Variants in PDE1C observed in about 807,000 individuals in gnomAD.
PDE1C encodes the protein dual specificity calcium/calmodulin-dependent 3',5'-cyclic nucleotide phosphodiesterase 1C.
In PDE1C, 62 loss-of-function variants were observed where a neutral mutation model predicts 93.1. That is an observed-to-expected ratio of 0.67 (90% CI 0.54 to 0.82). PDE1C has a LOEUF of 0.82. Ranked by LOEUF, PDE1C falls within the 40% of genes least tolerant of loss-of-function variation. The pLI, the probability that PDE1C is intolerant of heterozygous loss-of-function variation, is 0.00. For synonymous variants in PDE1C, 325 were observed against 310.1 expected (o/e 1.05, Z -0.50); for missense variants, 742 against 884.6 (o/e 0.84, Z 2.04).
chr7:31,999,509 T>C (rs887715097), intron 2 of PDE1C, among the ~76,000 whole-genome samples: 10 of 152,162 alleles, frequency 6.6e-5, no homozygotes, highest in African/African-American at 2.2e-4. Flanking sequence ...ACCAGGAATC[T>C]GCAAGACCCA....
intron 9 of PDE1C, among the ~76,000 whole-genome samples, chr7:31,846,728 CT>C (rs1242904894): frequency 6.6e-6 from 1 of 152,004 alleles, no homozygotes; most frequent in Non-Finnish European, 1.5e-5. Flanking sequence ...GTAATCAAAC[CT>C]TTTATTATAA....
Position 32,157,065 on chromosome 7 carries a change from A to G in PDE1C, c.308+12720T>C, listed in dbSNP as rs114979599. 5.8e-3 allele frequency among the ~76,000 whole-genome samples: 887 copies of G among 152,330 alleles called. 5 individuals carry two copies. The highest frequency in any genetic ancestry group is 0.02 in the African/African-American group (840 of 41,588). The stretch of plus-strand genomic sequence containing the variant: ...TGACCTGAGGACTCTAGAGGCAACG[A>G]TCAGAAAAACCAAATTGAGGAACAT... On this transcript the variant is annotated intron_variant, in intron 3 of 18. Transcript: ENST00000396193.
chr7:32,059,688 A>AT (rs940161618), intron 1 of PDE1C, among the ~76,000 whole-genome samples: 54 of 150,468 alleles, frequency 3.6e-4, no homozygotes, highest in South Asian at 8.4e-4. Context: ...GGAAGGCAAG[A>AT]TTTTTTTTTT....
intron 1 of PDE1C, among the ~76,000 whole-genome samples, chr7:32,383,785 A>G (rs1156763433): frequency 6.6e-6 from 1 of 152,178 alleles, no homozygotes; most frequent in African/African-American, 2.4e-5. Context: ...GACACTGGAA[A>G]GGGTCCAAGC....
chr7:32,182,962 CA>C (rs1198190105), intron 2 of PDE1C, among the ~76,000 whole-genome samples: 22 of 152,156 alleles, frequency 1.4e-4, no homozygotes, highest in African/African-American at 5.3e-4. Context: ...TATCAGGATA[CA>C]AAATCAATGT....
At chr7:32,098,649 T>C (rs1584759189) in intron 3 of PDE1C, among the ~76,000 whole-genome samples, 1 of 152,260 alleles carries the variant, frequency 6.6e-6, no homozygotes, top group East Asian at 1.9e-4. Flanking sequence ...ACGTTGGAGA[T>C]ATTTAGCTGA....
the PDE1C span, among the ~76,000 whole-genome samples, chr7:31,667,110 T>C: frequency 6.6e-6 from 1 of 151,542 alleles, no homozygotes; most frequent in Non-Finnish European, 1.5e-5. Context: ...GTTACAGGAG[T>C]AAGCTGAGGT....
intron 1 of PDE1C, among the ~76,000 whole-genome samples, chr7:32,335,569 C>T (rs1334584077): frequency 6.6e-6 from 1 of 152,120 alleles, no homozygotes; most frequent in Non-Finnish European, 1.5e-5. Flanking sequence ...TTGTCGATGG[C>T]CATCTTCTCC....
At chr7:31,880,573 TA>T (rs1797118829) in intron 3 of PDE1C, among the ~76,000 whole-genome samples, 173 bp downstream of exon 3, 1 of 152,174 alleles carries the variant, frequency 6.6e-6, no homozygotes, top group South Asian at 2.1e-4. Flanking sequence ...GATGAGGCGG[TA>T]CAGAGAGTAA....
chr7:32,298,832 C>T (rs1037149621), exon 1 of PDE1C: 6 of 1,436,856 alleles, frequency 4.2e-6, no homozygotes, highest in Non-Finnish European at 5.4e-6. Flanking sequence ...GCGGCGAATC[C>T]TCCCCCGGCC....
intron 2 of PDE1C, among the ~76,000 whole-genome samples, chr7:31,931,313 T>C (rs1457111404): frequency 2.0e-5 from 3 of 152,176 alleles, no homozygotes; most frequent in Non-Finnish European, 4.4e-5. Flanking sequence ...TGTTTGCAGA[T>C]GACATGATTG....
chr7:31,990,446 AATTACCCAGTTTTGGGT>A (rs1784020202), intron 2 of PDE1C, among the ~76,000 whole-genome samples: 1 of 152,146 alleles, frequency 6.6e-6, no homozygotes, highest in African/African-American at 2.4e-5. Flanking sequence ...TTTCTTTATA[AATTACCCAGTTTTGGGT>A]ATGTCTTTAT....
intron 3 of PDE1C, among the ~76,000 whole-genome samples, chr7:32,120,005 A>C (rs1386777271): frequency 6.6e-6 from 1 of 152,198 alleles, no homozygotes; most frequent in Admixed American, 6.5e-5. Flanking sequence ...GGGTCGGGGA[A>C]GGGCAGCATC....
chr7:32,333,846 T>C (rs947756358), intron 1 of PDE1C, among the ~76,000 whole-genome samples: 2 of 152,210 alleles, frequency 1.3e-5, no homozygotes, highest in Non-Finnish European at 1.5e-5. Context: ...CATAAACACA[T>C]TAACATTGCC....
At chr7:32,319,936 A>G (rs746760548) in intron 1 of PDE1C, among the ~76,000 whole-genome samples, 2 of 152,200 alleles carry the variant, frequency 1.3e-5, no homozygotes, top group Non-Finnish European at 2.9e-5. Flanking sequence ...TACTTATCTC[A>G]AAGTCCAAAA....
At chr7:32,337,095 T>C (rs1377196406) in intron 1 of PDE1C, among the ~76,000 whole-genome samples, 1 of 152,074 alleles carries the variant, frequency 6.6e-6, no homozygotes, top group Non-Finnish European at 1.5e-5. Context: ...GCTCAAGTAT[T>C]CATAACCTCT....
chr7:32,062,334 C>T (rs1445709903), intron 1 of PDE1C, among the ~76,000 whole-genome samples: 1 of 152,134 alleles, frequency 6.6e-6, no homozygotes, highest in East Asian at 1.9e-4. Context: ...TTGCTGAGGC[C>T]CCCTGGTGGA....
chr7:31,880,710 A>G (rs780922849), intron 3 of PDE1C, 37 bp downstream of exon 3: 15 of 1,232,778 alleles, frequency 1.2e-5, no homozygotes, highest in Non-Finnish European at 1.6e-5. Flanking sequence ...AAAATTTACT[A>G]TCACTATACT....
At chr7:31,687,647 C>T in the PDE1C span, among the ~76,000 whole-genome samples, 1 of 152,168 alleles carries the variant, frequency 6.6e-6, no homozygotes, top group Non-Finnish European at 1.5e-5. Context: ...ATTCTCCATG[C>T]CCTACTTTAA....
Sources: gnomAD v4.1 joint callset for allele counts (sites outside exome capture counted in the v4.1 genomes callset) on GRCh38, gnomAD v4.1.1 for gene constraint, MANE v1.5 for transcripts, NCBI Gene and HGNC (gene_info 2026-07-23, HGNC 2026-07-21) for gene names.